The following ODF2 variants were observed in gnomAD, a reference collection of about 807,000 sequenced individuals.
ODF2 encodes outer dense fiber of sperm tails 2.
In ODF2, 47 loss-of-function variants were observed where a neutral mutation model predicts 110.2. The ratio of observed to expected loss-of-function variants is 0.43; its 90% confidence interval spans 0.34 to 0.54. The LOEUF (loss-of-function observed/expected upper bound fraction) is 0.54, where lower values mean the gene tolerates loss of function less well. Among genes scored for constraint, ODF2 ranks in the 20% least tolerant of loss-of-function variants. The pLI, the probability that ODF2 is intolerant of heterozygous loss-of-function variation, is 0.03. For missense variants in ODF2, 812 were observed against 1,054.5 expected (o/e 0.77, Z 3.19); for synonymous variants, 352 against 397.7 (o/e 0.89, Z 1.37).
chr9:128,460,772 T>G, intron 3 of ODF2, 106 bp downstream of exon 3: 1 of 1,529,820 alleles, frequency 6.5e-7, no homozygotes, highest in Non-Finnish European at 8.9e-7. Context: ...ACAAACACAC[T>G]CTTTCGGAGG....
rs201975262 is a variant in ODF2, at chr9:128,462,611, T to TG, written c.249+1544_249+1545insG. ...CAGGGATTTTGTTTTTTTGTTTTTTTTTTTTTGAGACGGAGTCTCGCTCTG... is the reference window on the plus strand; with the variant it reads ...CAGGGATTTTGTTTTTTTGTTTTTTTGTTTTTTGAGACGGAGTCTCGCTCTG... On this transcript the variant is annotated intron_variant, in intron 4 of 20. Coordinates refer to ENST00000604420, the Ensembl canonical transcript of ODF2. Among the ~76,000 whole-genome samples, 1,454 of 151,744 alleles carry TG rather than the reference T, an allele frequency of 9.6e-3. 32 individuals carry two copies. Among genetic ancestry groups the TG allele is most frequent in the East Asian group, 0.073 (377 of 5,156 alleles).
chr9:128,456,711 C>T (rs1185270135), intron 1 of ODF2: 8 of 1,367,876 alleles, frequency 5.8e-6, no homozygotes, highest in Non-Finnish European at 6.6e-6. Flanking sequence ...CCGTAGGCAG[C>T]GCTGTCCCCC....
chr9:128,468,855 T>C, intron 4 of ODF2: 1 of 251,522 alleles, frequency 4.0e-6, no homozygotes, highest in Non-Finnish European at 7.5e-6. Flanking sequence ...AGAGACAAGG[T>C]CTCGCTATGT....
chr9:128,483,757 G>A (rs376268320), intron 10 of ODF2, among the ~76,000 whole-genome samples, 181 bp from the exon 11 acceptor site: 1 of 151,726 alleles, frequency 6.6e-6, no homozygotes, highest in East Asian at 1.9e-4. Flanking sequence ...TTGATGGCAC[G>A]TGACTGTAAC....
At chr9:128,462,376 C>T (rs557687499) in intron 4 of ODF2, among the ~76,000 whole-genome samples, 90 of 152,028 alleles carry the variant, frequency 5.9e-4, no homozygotes, top group African/African-American at 1.9e-3. Flanking sequence ...CTCGAACTCC[C>T]GACCTCAGGT....
chr9:128,492,479 G>T, exon 15 of ODF2: 2 of 1,614,064 alleles, frequency 1.2e-6, no homozygotes, highest in Non-Finnish European at 1.7e-6. Context: ...TCGAGGTCCA[G>T]CAGCTGAAGG....
intron 4 of ODF2, among the ~76,000 whole-genome samples, chr9:128,462,570 ACAT>A (rs1332549993): frequency 6.6e-6 from 1 of 151,790 alleles, no homozygotes; most frequent in Non-Finnish European, 1.5e-5. Flanking sequence ...TGTCCTAAAA[ACAT>A]CATAGAAGAG....
intron 4 of ODF2, among the ~76,000 whole-genome samples, chr9:128,467,028 T>A (rs1216785302): frequency 1.3e-5 from 1 of 77,936 alleles, no homozygotes; most frequent in African/African-American, 5.6e-5. Flanking sequence ...TATATATATA[T>A]ATATATATAT....
intron 6 of ODF2, among the ~76,000 whole-genome samples, 163 bp from the exon 7 acceptor site, chr9:128,472,750 T>G (rs540968987): frequency 1.3e-5 from 2 of 152,238 alleles, no homozygotes; most frequent in Non-Finnish European, 2.9e-5. Flanking sequence ...CTTCTGGCCC[T>G]GGTCCTTTCT....
chr9:128,479,992 C>T (rs1044795363), intron 8 of ODF2, among the ~76,000 whole-genome samples: 2 of 152,074 alleles, frequency 1.3e-5, no homozygotes, highest in African/African-American at 4.8e-5. Flanking sequence ...TGTGGTGGCA[C>T]ACACCTGTGG....
At chr9:128,497,446 A>ATAT (rs1306199441) in intron 18 of ODF2, 4 of 42,570 alleles carry the variant, frequency 9.4e-5, no homozygotes, top group Non-Finnish European at 1.4e-4. Context: ...AAAAAAAAAA[A>ATAT]ATATATATAT....
chr9:128,467,749 A>AC (rs1439646677), intron 4 of ODF2, among the ~76,000 whole-genome samples: 2 of 151,446 alleles, frequency 1.3e-5, no homozygotes, highest in Non-Finnish European at 2.9e-5. Flanking sequence ...TGTCTCAAAA[A>AC]AAAAAAAAAA....
intron 4 of ODF2, chr9:128,461,345 A>G (rs1836387891): frequency 2.3e-6 from 1 of 426,850 alleles, no homozygotes; most frequent in Admixed American, 3.5e-5. Flanking sequence ...AGCTGGAGTT[A>G]AGATTCATTC....
chr9:128,465,968 C>T (rs1227528990), intron 4 of ODF2, among the ~76,000 whole-genome samples: 3 of 150,696 alleles, frequency 2.0e-5, no homozygotes, highest in Non-Finnish European at 3.0e-5. Context: ...GGCGAAACCC[C>T]GTCTCTACTA....
chr9:128,481,963 A>C (rs1842484237), intron 9 of ODF2, among the ~76,000 whole-genome samples: 1 of 152,212 alleles, frequency 6.6e-6, no homozygotes, highest in Non-Finnish European at 1.5e-5. Context: ...ATGGATTCAA[A>C]GCCATCAAAA....
At chr9:128,472,192 A>G (rs1840193919) in intron 6 of ODF2, among the ~76,000 whole-genome samples, 1 of 152,134 alleles carries the variant, frequency 6.6e-6, no homozygotes, top group Admixed American at 6.6e-5. Flanking sequence ...AGGCAGGAGA[A>G]CTGCTTGATC....
In ODF2 at chr9:128,495,913, G is replaced by A. The variant is rs185962788; in HGVS notation, c.1912-128G>A. 58 of 1,077,738 alleles carry A rather than the reference G, an allele frequency of 5.4e-5. 2 individuals carry two copies. The Admixed American group carries it at 7.3e-4, about 14-fold the overall frequency. The allele number at this position is 1,077,738 out of a possible 1,614,324, so 66.8% of individuals were successfully genotyped here. On this transcript the variant is annotated intron_variant, in intron 17 of 20. Transcript: ENST00000604420. ...CTGTCCTTTCTCCTCTAGGTTGTGC[G>A]TTGAGACTTGGACACCTGCTGAGGG... is the stretch of plus-strand genomic sequence containing the variant.
downstream of ODF2, chr9:128,500,808 A>G (rs1016445680): frequency 1.3e-5 from 2 of 152,442 alleles, no homozygotes; most frequent in African/African-American, 4.8e-5. Context: ...GCACTTCACA[A>G]TAGACCCTCG....
chr9:128,482,883 A>G (rs1354173578), exon 10 of ODF2: 4 of 1,531,536 alleles, frequency 2.6e-6, no homozygotes, highest in Non-Finnish European at 3.6e-6. Flanking sequence ...ATACAATGTG[A>G]GAAGGTAGTG....
Sources: allele counts gnomAD v4.1 joint callset (sites outside exome capture counted in the v4.1 genomes callset), GRCh38; gene constraint gnomAD v4.1.1; transcripts MANE v1.5; gene names NCBI Gene and HGNC (gene_info 2026-07-23, HGNC 2026-07-21).